The following CDH2 variants were observed in gnomAD, a reference collection of about 807,000 sequenced individuals.
CDH2 encodes cadherin-2.
Under a neutral mutation model 92.0 loss-of-function variants are expected in CDH2, and 17 were observed. That is an observed-to-expected ratio of 0.18 (90% CI 0.13 to 0.28). CDH2 has a LOEUF of 0.28. Among genes scored for constraint, CDH2 ranks in the 10% least tolerant of loss-of-function variants. The pLI, the probability that CDH2 is intolerant of heterozygous loss-of-function variation, is 1.00. For synonymous variants in CDH2, 419 were observed against 415.9 expected, an observed-to-expected ratio of 1.01 and a Z score of -0.09; for missense variants, 862 against 1,133.1, an observed-to-expected ratio of 0.76 and a Z score of 3.44.
At chr18:28,023,043 T>C (rs573044672) in intron 2 of CDH2, among the ~76,000 whole-genome samples, 2 of 152,142 alleles carry the variant, frequency 1.3e-5, no homozygotes, top group Non-Finnish European at 2.9e-5. Flanking sequence ...AAAAAAGGTA[T>C]CTTTTTAGAC....
intron 2 of CDH2, among the ~76,000 whole-genome samples, chr18:28,086,855 TAGAC>T (rs1325807851): frequency 2.0e-5 from 3 of 152,202 alleles, no homozygotes; most frequent in East Asian, 1.9e-4. Flanking sequence ...TCTTTTCTCT[TAGAC>T]AGCATTTGAA....
chr18:28,139,505 T>C (rs2015918920), intron 2 of CDH2, among the ~76,000 whole-genome samples: 2 of 152,036 alleles, frequency 1.3e-5, no homozygotes, highest in African/African-American at 4.8e-5. Flanking sequence ...TTCTGATCCT[T>C]GTCCTGAAGA....
At chr18:27,987,677 G>T (rs1185129686) in intron 11 of CDH2, among the ~76,000 whole-genome samples, 1 of 152,256 alleles carries the variant, frequency 6.6e-6, no homozygotes, top group East Asian at 1.9e-4. Flanking sequence ...TAGTTGAGTG[G>T]TTAGTTCGTG....
intron 2 of CDH2, among the ~76,000 whole-genome samples, chr18:28,121,922 A>G (rs1598490050): frequency 6.6e-6 from 1 of 152,194 alleles, no homozygotes; most frequent in African/African-American, 2.4e-5. Flanking sequence ...TACAGCCCAG[A>G]GAGTTTGGGA....
At chr18:28,175,500 A>G (rs2016523941) in intron 1 of CDH2, among the ~76,000 whole-genome samples, 1 of 152,168 alleles carries the variant, frequency 6.6e-6, no homozygotes, top group African/African-American at 2.4e-5. Flanking sequence ...GTGCCGCACC[A>G]TGGCGCACCA....
chr18:27,992,591 G>C, intron 9 of CDH2, 64 bp downstream of exon 9: 1 of 1,317,948 alleles, frequency 7.6e-7, no homozygotes, highest in Non-Finnish European at 1.1e-6. Flanking sequence ...ACAATGAGTG[G>C]GGGACATATA....
chr18:28,147,670 T>C lies in CDH2; in HGVS notation c.172+3A>G, dbSNP rs1404208839. Reference sequence around the variant, plus strand: ...TGTACAAATATATCTTTTGAGATAGTACCATTGAGAAGAGGCTGTCCTTCA... The same window carrying C: ...TGTACAAATATATCTTTTGAGATAGCACCATTGAGAAGAGGCTGTCCTTCA... On this transcript the variant is annotated splice_donor_region_variant and intron_variant, in intron 2 of 15. Coordinates refer to ENST00000269141, the MANE Select transcript of CDH2 (RefSeq NM_001792.5). 1 of 1,544,024 alleles carries C rather than the reference T, an allele frequency of 6.5e-7. No individual in the cohort carries two copies. The highest frequency in any genetic ancestry group is 8.9e-7 in the Non-Finnish European group (1 of 1,119,832).
intron 14 of CDH2, among the ~76,000 whole-genome samples, chr18:27,981,608 G>C (rs1259357287): frequency 1.1e-4 from 16 of 152,106 alleles, no homozygotes; most frequent in Admixed American, 7.9e-4. Context: ...TTTTTCAAAT[G>C]TAAAATGGAA....
Position 28,013,692 on chromosome 18 carries a change from C to T in CDH2, c.390G>A (p.Glu130=). ...TATTCGGATACTATACCTTCACTGACTCCTCAGTTAAGGTTGGCTTCAGGC... is the reference window on the plus strand; with the variant it reads ...TATTCGGATACTATACCTTCACTGATTCCTCAGTTAAGGTTGGCTTCAGGC... ...KLSLKPTLTE[E]SVKESAEVEE... The change falls in exon 3 of 16, where the codon GAG becomes GAA. Residue 130 remains glutamate (E), a synonymous_variant. Coordinates refer to ENST00000269141, the MANE Select transcript of CDH2 (RefSeq NM_001792.5). The T allele has an allele frequency of 1.9e-6, 3 of 1,609,600 alleles. No homozygotes were observed. The highest frequency in any genetic ancestry group is 2.6e-6 in the Non-Finnish European group (3 of 1,175,864).
chr18:28,062,059 T>C (rs1290745098), intron 2 of CDH2, among the ~76,000 whole-genome samples: 1 of 152,200 alleles, frequency 6.6e-6, no homozygotes, highest in African/African-American at 2.4e-5. Flanking sequence ...TAGTACTTCC[T>C]TAGATGGATG....
chr18:27,988,264 G>T (rs1429003828), intron 11 of CDH2, among the ~76,000 whole-genome samples: 1 of 152,122 alleles, frequency 6.6e-6, no homozygotes, highest in African/African-American at 2.4e-5. Flanking sequence ...ATGGACTTAA[G>T]GCATCAACAT....
chr18:27,965,318 C>T, intron 14 of CDH2, among the ~76,000 whole-genome samples: 1 of 152,208 alleles, frequency 6.6e-6, no homozygotes, highest in Non-Finnish European at 1.5e-5. Context: ...TGGAAAAGCT[C>T]CTCCTCTTAG....
chr18:28,021,163 C>T (rs567704126), intron 2 of CDH2, among the ~76,000 whole-genome samples: 1 of 151,756 alleles, frequency 6.6e-6, no homozygotes, highest in Non-Finnish European at 1.5e-5. Context: ...ATGTAATTAT[C>T]CTAAGTATGA....
At chr18:28,154,971 C>T (rs1598514018) in intron 1 of CDH2, among the ~76,000 whole-genome samples, 1 of 152,176 alleles carries the variant, frequency 6.6e-6, no homozygotes, top group Non-Finnish European at 1.5e-5. Flanking sequence ...CATTGGATGT[C>T]AGGTTAAAAC....
chr18:28,055,149 T>C (rs2014266730), intron 2 of CDH2, among the ~76,000 whole-genome samples: 1 of 152,122 alleles, frequency 6.6e-6, no homozygotes, highest in Non-Finnish European at 1.5e-5. Context: ...AAGACATGTC[T>C]TAAATGGGGG....
intron 1 of CDH2, among the ~76,000 whole-genome samples, chr18:28,159,658 G>T (rs2628602): frequency 3.5e-3 from 467 of 134,836 alleles, no homozygotes; most frequent in South Asian, 0.01. Context: ...CAATTTTTTT[G>T]TTTTTTTTTT....
chr18:28,003,142 A>C lies in CDH2; in HGVS notation c.875T>G (p.Ile292Ser). ...PGTYVMTVTAIDADDPNALNG... is the reference protein window; with the variant it reads ...PGTYVMTVTASDADDPNALNG... ...GAGGGCATTGGGATCGTCAGCATCA[A>C]TTGCTGTTACGGTCATCACATATGT... The change falls in exon 7 of 16, where the codon ATT (isoleucine) becomes AGT (serine). Residue 292 changes from isoleucine to serine, a missense_variant. Physicochemically the swap from Ile to Ser is moderately radical, Grantham distance 142. Transcript: ENST00000269141. 6.2e-7 allele frequency: 1 copy of C among 1,614,036 alleles called. No homozygotes were observed. Among genetic ancestry groups the C allele is most frequent in the Non-Finnish European group, 8.5e-7 (1 of 1,179,930 alleles).
chr18:28,143,923 C>T (rs2015994058), intron 2 of CDH2, among the ~76,000 whole-genome samples: 3 of 151,988 alleles, frequency 2.0e-5, no homozygotes, highest in Non-Finnish European at 4.4e-5. Flanking sequence ...TGAATGTCGT[C>T]ACTCATAAAT....
intron 2 of CDH2, among the ~76,000 whole-genome samples, chr18:28,067,046 G>T (rs2144158584): frequency 6.6e-6 from 1 of 152,166 alleles, no homozygotes; most frequent in East Asian, 1.9e-4. Flanking sequence ...CAAATAGACT[G>T]CAGGGATTTA....
Sources: gnomAD v4.1 joint callset for allele counts (sites outside exome capture counted in the v4.1 genomes callset) on GRCh38, gnomAD v4.1.1 for gene constraint, MANE v1.5 for transcripts, NCBI Gene and HGNC (gene_info 2026-07-23, HGNC 2026-07-21) for gene names.